The following DUSP8 variants were observed in gnomAD, a reference collection of about 807,000 sequenced individuals.
DUSP8 encodes dual specificity protein phosphatase 8.
In DUSP8, 15 loss-of-function variants were observed where a neutral mutation model predicts 38.7. The ratio of observed to expected loss-of-function variants is 0.39; its 90% CI spans 0.26 to 0.60. The LOEUF (loss-of-function observed/expected upper bound fraction) is 0.60, where lower values mean the gene tolerates loss of function less well. Ranked by LOEUF, DUSP8 falls within the 20% of genes least tolerant of loss-of-function variation. DUSP8 has a pLI of 0.56. For missense variants in DUSP8, 768 were observed against 915.0 expected (o/e 0.84, Z 2.07); for synonymous variants, 458 against 433.9 (o/e 1.06, Z -0.69).
In DUSP8 at chr11:1,556,980, G is replaced by A. The variant is rs1256795439; in HGVS notation, c.1416C>T (p.Leu472=). 3.0e-5 allele frequency: 31 copies of A among 1,039,462 alleles called. No homozygotes were observed. Among genetic ancestry groups the A allele is most frequent in the African/African-American group, 3.5e-5 (2 of 57,632 alleles). 64.4% of individuals were successfully genotyped at this position (1,039,462 alleles called of 1,614,324 possible). The change falls in exon 7 of 7, where the codon CTC becomes CTT. Residue 472 remains leucine, a synonymous_variant. Transcript: ENST00000397374. The surrounding 1 kb of genome is among the most constrained non-coding windows in gnomAD (Gnocchi z 5.2). ...GSPARSPAHS[L]GLNFGDAARQ... is the part of the protein sequence containing the mutation. ...GGGCCGCATCGCCGAAGTTCAGGCC[G>A]AGGCTGTGCGCGGGGGAGCGCGCGG...
At chr11:1,566,528 G>A (rs763677764) in intron 1 of DUSP8, among the ~76,000 whole-genome samples, 4 of 152,150 alleles carry the variant, frequency 2.6e-5, no homozygotes, top group Non-Finnish European at 4.4e-5. Flanking sequence ...GGGGGCAGCC[G>A]GATAGCAGGC....
intron 1 of DUSP8, among the ~76,000 whole-genome samples, chr11:1,569,554 C>T (rs1848856647): frequency 1.3e-5 from 2 of 152,132 alleles, no homozygotes; most frequent in Non-Finnish European, 2.9e-5. Flanking sequence ...CCCCTGAGAA[C>T]CCCAGGACTC....
chr11:1,564,803 G>T (rs879780310), intron 2 of DUSP8, among the ~76,000 whole-genome samples: 7 of 152,316 alleles, frequency 4.6e-5, no homozygotes, highest in Middle Eastern at 3.4e-3. Flanking sequence ...GCCTTGGGGT[G>T]GGCGGACTCC....
chr11:1,572,318 T>G (rs945363305), upstream of DUSP8, among the ~76,000 whole-genome samples: 2 of 146,094 alleles, frequency 1.4e-5, 1 homozygote, highest in South Asian at 4.3e-4. This position sits in a 1 kb window ranked among gnomAD's most constrained non-coding sequence, Gnocchi z 4.7. Flanking sequence ...GATGAGGTCA[T>G]GCCGAGCGAA....
chr11:1,568,025 T>C (rs1002299043), intron 1 of DUSP8, among the ~76,000 whole-genome samples: 6 of 152,136 alleles, frequency 3.9e-5, no homozygotes, highest in African/African-American at 1.4e-4. Context: ...AGGTGCCCCG[T>C]AGGATACCCA....
At position 1,555,664 on chromosome 11, in the gene DUSP8, G is replaced by C. The variant is rs1204806137; in HGVS notation, c.*854C>G. 1 of 162,952 alleles carries C rather than the reference G, an allele frequency of 6.1e-6. No individual in the cohort carries two copies. The highest frequency in any genetic ancestry group is 1.3e-5 in the Non-Finnish European group (1 of 77,888). The allele number at this position is 162,952 out of a possible 1,614,324, so 10.1% of individuals were successfully genotyped here. ...CCACCCTGCCCGGCAGGCAGCTCTG[G>C]GGGCATGGGCAAGGGAGAAGGGAGG... On this transcript the variant is annotated 3_prime_UTR_variant, in exon 7 of 7. Coordinates refer to ENST00000397374, the MANE Select transcript of DUSP8 (RefSeq NM_004420.3).
chr11:1,561,445 C>G (rs1290368969), intron 3 of DUSP8, among the ~76,000 whole-genome samples: 1 of 152,240 alleles, frequency 6.6e-6, no homozygotes, highest in Non-Finnish European at 1.5e-5. Flanking sequence ...GGCCGCCACC[C>G]CACCCACTTG....
intron 3 of DUSP8, among the ~76,000 whole-genome samples, chr11:1,562,010 C>T (rs180712705): frequency 4.7e-4 from 71 of 152,348 alleles, no homozygotes; most frequent in African/African-American, 1.7e-3. Flanking sequence ...GGGGACACAG[C>T]CTCAACCTTG....
rs777772515 is a variant in DUSP8 at position 1,565,721 on chromosome 11, C to A, written c.106G>T (p.Val36Leu). The change falls in exon 2 of 7, where the codon GTG (valine) becomes TTG (leucine). Residue 36 changes from valine to leucine, a missense_variant. Around this residue, in one of 3 missense-constraint regions of DUSP8, gnomAD observed 252 missense variants for 410.4 expected, o/e 0.61. Coordinates refer to ENST00000397374, the MANE Select transcript of DUSP8 (RefSeq NM_004420.3). Reference sequence around the variant, plus strand: ...AGCACATGCCAGCTGTTGTACTCCACGAAGGAGCGGCTGTCGATGACCAGC... The same window carrying A: ...AGCACATGCCAGCTGTTGTACTCCAAGAAGGAGCGGCTGTCGATGACCAGC... ...GPLVIDSRSF[V>L]EYNSWHVLSS... 6.2e-7 allele frequency: 1 copy of A among 1,611,934 alleles called. No individual in the cohort carries two copies. The highest frequency in any genetic ancestry group is 8.5e-7 in the Non-Finnish European group (1 of 1,179,686).
At position 1,570,296 on chromosome 11, in the gene DUSP8, G is replaced by C. The variant is rs141264323; in HGVS notation, c.-109+1605C>G. On this transcript the variant is annotated intron_variant, in intron 1 of 6. Coordinates refer to ENST00000397374, the MANE Select transcript of DUSP8 (RefSeq NM_004420.3). ...ATCAGGACCAGTGTGGCGCTTCCAA[G>C]GTTCACTGCCCTGAGCAACTCCGGC... 5.1e-3 allele frequency among the ~76,000 whole-genome samples: 781 copies of C among 152,272 alleles called. 7 individuals are homozygous for C. The highest frequency in any genetic ancestry group is 0.018 in the African/African-American group (741 of 41,528).
Position 1,564,918 on chromosome 11 carries a change from C to T in DUSP8, c.231+678G>A, listed in dbSNP as rs538202338. Among the ~76,000 whole-genome samples, 348 of 152,346 alleles carry T rather than the reference C, an allele frequency of 2.3e-3. 3 individuals are homozygous for T. Among genetic ancestry groups the T allele is most frequent in the African/African-American group, 8.0e-3 (333 of 41,588 alleles). On this transcript the variant is annotated intron_variant, in intron 2 of 6. Coordinates refer to ENST00000397374, the MANE Select transcript of DUSP8 (RefSeq NM_004420.3). ...AGCCTCCAGGGCCAAGAGCTTGTCA[C>T]CCTTGTCCCCTGCGAGGCAGTAGAA...
intron 3 of DUSP8, chr11:1,559,314 C>G: frequency 4.5e-6 from 2 of 448,532 alleles, no homozygotes; most frequent in Admixed American, 4.4e-5. Context: ...GCTGACCCAG[C>G]TGAGGACGCC....
At chr11:1,570,046 T>C (rs2133451642) in intron 1 of DUSP8, among the ~76,000 whole-genome samples, 1 of 152,266 alleles carries the variant, frequency 6.6e-6, no homozygotes, top group Admixed American at 6.5e-5. Flanking sequence ...CAAGCTGGCC[T>C]ACACTCTGCT....
At chr11:1,561,574 G>A (rs928620574) in intron 3 of DUSP8, among the ~76,000 whole-genome samples, 1 of 152,240 alleles carries the variant, frequency 6.6e-6, no homozygotes, top group Admixed American at 6.5e-5. Context: ...CAGCTGGAGT[G>A]GGGGAAGAGG....
Position 1,554,996 on chromosome 11 carries a change from G to C in DUSP8, c.*1522C>G. Reference sequence around the variant, plus strand: ...ACAAATAGAAGAAACAGCAGAGAGGGCGGCTGGCTGGGGCGGGATGGGCGC... The same window carrying C: ...ACAAATAGAAGAAACAGCAGAGAGGCCGGCTGGCTGGGGCGGGATGGGCGC... On this transcript the variant is annotated 3_prime_UTR_variant, in exon 7 of 7. Transcript: ENST00000397374. 1.0e-6 allele frequency: 1 copy of C among 986,346 alleles called. No homozygotes were observed. The highest frequency in any genetic ancestry group is 1.2e-6 in the Non-Finnish European group (1 of 830,240). The allele number at this position is 986,346 out of a possible 1,614,324, so 61.1% of individuals were successfully genotyped here.
rs947222616 is a variant in DUSP8, at chr11:1,554,976, T to A, written c.*1542A>T. Reference sequence around the variant, plus strand: ...AGCTGTGGGTGAAAAGAAGAACAAATAGAAGAAACAGCAGAGAGGGCGGCT... The same window carrying A: ...AGCTGTGGGTGAAAAGAAGAACAAAAAGAAGAAACAGCAGAGAGGGCGGCT... On this transcript the variant is annotated 3_prime_UTR_variant, in exon 7 of 7. Coordinates refer to ENST00000397374, the MANE Select transcript of DUSP8 (RefSeq NM_004420.3). 1 of 985,898 alleles carries A rather than the reference T, an allele frequency of 1.0e-6. No individual in the cohort carries two copies. The highest frequency in any genetic ancestry group is 1.8e-5 in the African/African-American group (1 of 57,130). The allele number at this position is 985,898 out of a possible 1,614,324, so 61.1% of individuals were successfully genotyped here. A position where few individuals can be genotyped will look rare whatever the true frequency, so the allele number is the denominator to read the frequency against.
intron 2 of DUSP8, among the ~76,000 whole-genome samples, chr11:1,565,231 C>T (rs1183516699): frequency 2.0e-5 from 3 of 152,226 alleles, no homozygotes; most frequent in Non-Finnish European, 2.9e-5. Context: ...CTCCCACTGC[C>T]ATGTGGTCAC....
intron 3 of DUSP8, among the ~76,000 whole-genome samples, chr11:1,561,763 C>T (rs963154952): frequency 2.6e-5 from 4 of 152,242 alleles, no homozygotes; most frequent in African/African-American, 7.2e-5. Flanking sequence ...TTGCCTGTGC[C>T]GCGGGATCCT....
In DUSP8 at chr11:1,558,899, A is replaced by G; in HGVS notation, c.527T>C (p.Val176Ala). ...CCACTGCACACACACCTTGTTTAGGACGTCCTTCTGCGAGCCCAGGTAGAG... is the reference window on the plus strand; with the variant it reads ...CCACTGCACACACACCTTGTTTAGGGCGTCCTTCTGCGAGCCCAGGTAGAG... ...PHLYLGSQKD[V>A]LNKDLMTQNG... The change falls in exon 4 of 7, where the codon GTC (valine) becomes GCC (alanine). Residue 176 changes from valine to alanine, a missense_variant. By Grantham distance (64) the Val-to-Ala change is moderately conservative. This residue lies in a region of DUSP8 where 252 missense variants were observed against 410.4 expected (regional missense o/e 0.61). Transcript: ENST00000397374. This position sits in a 1 kb window ranked among gnomAD's most constrained non-coding sequence, Gnocchi z 6.3. The G allele has an allele frequency of 3.7e-6, 6 of 1,609,986 alleles. No homozygotes were observed. Among genetic ancestry groups the G allele is most frequent in the South Asian group, 1.1e-5 (1 of 90,890 alleles).
Sources: gnomAD v4.1 joint callset for allele counts (sites outside exome capture counted in the v4.1 genomes callset) on GRCh38, gnomAD v4.1.1 for gene constraint, gnomAD v4.1.1 regional missense constraint, Gnocchi (gnomAD v3.1) non-coding constraint, MANE v1.5 for transcripts, NCBI Gene and HGNC (gene_info 2026-07-23, HGNC 2026-07-21) for gene names.